Variants in MAN1A1 observed in about 807,000 individuals in gnomAD.
The protein encoded by MAN1A1 is mannosidase alpha class 1A member 1.
MAN1A1 carries 29 observed loss-of-function variants against 70.8 expected under a neutral mutation model. That is an observed-to-expected ratio of 0.41 (90% CI 0.31 to 0.56). The LOEUF (loss-of-function observed/expected upper bound fraction) is 0.56. Ranked by LOEUF, MAN1A1 falls within the 20% of genes least tolerant of loss-of-function variation. The pLI is 0.29. For synonymous variants in MAN1A1, 349 were observed against 330.1 expected (o/e 1.06, Z -0.62); for missense variants, 747 against 841.3 (o/e 0.89, Z 1.39).
rs1166638968 is a variant in MAN1A1, at chr6:119,348,471, T to G, written c.595A>C (p.Ile199Leu). The change falls in exon 2 of 13, where the codon ATC (isoleucine) becomes CTC (leucine). Residue 199 changes from isoleucine (I) to leucine (L), a missense_variant. By Grantham distance (5) the Ile-to-Leu change is conservative. Transcript: ENST00000368468. Reference protein sequence around the residue: ...DAAIREKRAKIKEMMKHAWNN... With the variant: ...DAAIREKRAKLKEMMKHAWNN... ...TGGCGCGGCCCACTCACCTCTTTGA[T>G]CTTTGCCCTTTTCTCGCGGATGGCG... 6.2e-7 allele frequency: 1 copy of G among 1,604,746 alleles called. No individual in the cohort carries two copies. Among genetic ancestry groups the G allele is most frequent in the South Asian group, 1.1e-5 (1 of 89,860 alleles).
At chr6:119,278,852 C>A (rs962838508) in intron 5 of MAN1A1, among the ~76,000 whole-genome samples, 1 of 152,144 alleles carries the variant, frequency 6.6e-6, no homozygotes. Context: ...ATGTCACATG[C>A]CTGCTCCCCC....
At chr6:119,241,976 A>G (rs1025471436) in intron 6 of MAN1A1, among the ~76,000 whole-genome samples, 1 of 150,118 alleles carries the variant, frequency 6.7e-6, no homozygotes, top group Non-Finnish European at 1.5e-5. Context: ...GTGTGTGTAT[A>G]TGTGTGTGTA....
intron 2 of MAN1A1, 47 bp downstream of exon 2, chr6:119,348,416 T>C (rs1191710489): frequency 2.7e-6 from 4 of 1,499,060 alleles, no homozygotes; most frequent in African/African-American, 2.8e-5. Context: ...CGTTTCTCCC[T>C]GAAAAACACG....
chr6:119,225,101 G>A (rs998966411), intron 6 of MAN1A1, among the ~76,000 whole-genome samples: 16 of 151,868 alleles, frequency 1.1e-4, no homozygotes, highest in Non-Finnish European at 1.5e-4. Flanking sequence ...CCAAGATTGC[G>A]CCACTACACT....
At chr6:119,305,949 G>C (rs543671136) in intron 3 of MAN1A1, among the ~76,000 whole-genome samples, 5 of 152,192 alleles carry the variant, frequency 3.3e-5, no homozygotes, top group South Asian at 2.1e-4. Context: ...GTTAGTAGGT[G>C]GCTATCTCTG....
At chr6:119,317,635 T>C (rs1223854448) in intron 2 of MAN1A1, among the ~76,000 whole-genome samples, 2 of 152,216 alleles carry the variant, frequency 1.3e-5, no homozygotes, top group Non-Finnish European at 2.9e-5. Context: ...TACTGCAGTT[T>C]AATTATCCAT....
At chr6:119,202,663 A>T (rs1773745918) in intron 7 of MAN1A1, among the ~76,000 whole-genome samples, 1 of 152,204 alleles carries the variant, frequency 6.6e-6, no homozygotes, top group African/African-American at 2.4e-5. Context: ...GCACTACGAC[A>T]TTATGACAAC....
chr6:119,346,844 T>G (rs551682227), intron 2 of MAN1A1, among the ~76,000 whole-genome samples: 1 of 152,364 alleles, frequency 6.6e-6, no homozygotes, highest in South Asian at 2.1e-4. Context: ...CGTTCAAATT[T>G]AACAGAAACA....
chr6:119,237,276 TGTG>T (rs1398006573), intron 6 of MAN1A1, among the ~76,000 whole-genome samples: 1 of 152,124 alleles, frequency 6.6e-6, no homozygotes. Flanking sequence ...AGTTTTACCG[TGTG>T]GAAAATGCCA....
chr6:119,279,965 C>G (rs1235243789), intron 5 of MAN1A1, among the ~76,000 whole-genome samples: 1 of 152,230 alleles, frequency 6.6e-6, no homozygotes, highest in Non-Finnish European at 1.5e-5. Context: ...AGCAGCAGCA[C>G]TTGACAGAAC....
intron 5 of MAN1A1, among the ~76,000 whole-genome samples, chr6:119,277,713 A>G (rs551903583): frequency 1.4e-3 from 207 of 151,936 alleles, no homozygotes; most frequent in Admixed American, 2.6e-3. Context: ...GAGGTGGGTG[A>G]ATCACGAGGT....
chr6:119,332,102 G>A (rs1427303446), intron 2 of MAN1A1: 4 of 376,260 alleles, frequency 1.1e-5, no homozygotes, highest in South Asian at 2.0e-5. Flanking sequence ...TGTACATAAA[G>A]TGGTGAGCAT....
chr6:119,340,855 TGAAC>T (rs1221939200), intron 2 of MAN1A1, among the ~76,000 whole-genome samples: 1 of 152,182 alleles, frequency 6.6e-6, no homozygotes, highest in African/African-American at 2.4e-5. Flanking sequence ...GTCACTTGAA[TGAAC>T]GATGTAGAGC....
At chr6:119,260,538 C>G (rs1053493839) in intron 5 of MAN1A1, among the ~76,000 whole-genome samples, 4 of 150,438 alleles carry the variant, frequency 2.7e-5, no homozygotes, top group African/African-American at 5.0e-5. Flanking sequence ...CACTCACTAA[C>G]TATAGCTGTA....
At chr6:119,305,645 C>G (rs1261327982) in intron 3 of MAN1A1, among the ~76,000 whole-genome samples, 1 of 152,120 alleles carries the variant, frequency 6.6e-6, no homozygotes, top group Admixed American at 6.6e-5. Context: ...CTTGCAAACC[C>G]TGCAATGCCT....
chr6:119,220,104 C>T (rs1190393302), intron 6 of MAN1A1, among the ~76,000 whole-genome samples: 10 of 152,128 alleles, frequency 6.6e-5, no homozygotes, highest in Admixed American at 6.5e-4. Flanking sequence ...TTACCACAAT[C>T]TTCATTTTAG....
chr6:119,208,596 T>G lies in MAN1A1; in HGVS notation c.993-3714A>C, dbSNP rs568543330. On this transcript the variant is annotated intron_variant, in intron 6 of 12. Coordinates refer to ENST00000368468, the MANE Select transcript of MAN1A1 (RefSeq NM_005907.4). ...TCAGAGCTCTGATAGCAATGGGCTT[T>G]ATGTGCTTTTCCTCCTGTCTTCTGG... 1.1e-4 allele frequency among the ~76,000 whole-genome samples: 17 copies of G among 152,302 alleles called. 1 individual carries two copies. The highest frequency in any genetic ancestry group is 3.6e-4 in the African/African-American group (15 of 41,562).
intron 5 of MAN1A1, among the ~76,000 whole-genome samples, chr6:119,251,649 TTG>T (rs1157818877): frequency 1.3e-5 from 2 of 152,208 alleles, no homozygotes; most frequent in Non-Finnish European, 2.9e-5. Context: ...GAACGTTTTA[TTG>T]TGTTTTCTCT....
intron 8 of MAN1A1, among the ~76,000 whole-genome samples, chr6:119,197,962 T>A (rs1773618786): frequency 6.6e-6 from 1 of 152,204 alleles, no homozygotes; most frequent in African/African-American, 2.4e-5. Flanking sequence ...TCATAGCAGC[T>A]TCTAAATCCT....
Sources: allele counts gnomAD v4.1 joint callset (sites outside exome capture counted in the v4.1 genomes callset), GRCh38; gene constraint gnomAD v4.1.1; transcripts MANE v1.5; gene names NCBI Gene and HGNC (gene_info 2026-07-23, HGNC 2026-07-21).